Variants in PCDHGB4 observed in about 807,000 individuals in gnomAD.
PCDHGB4 encodes the protein protocadherin gamma-B4.
PCDHGB4 carries 38 observed loss-of-function variants against 60.5 expected under a neutral mutation model. That is an observed-to-expected ratio of 0.63 (90% confidence interval 0.48 to 0.82). The LOEUF is 0.82. Ranked by LOEUF, PCDHGB4 falls within the 40% of genes least tolerant of loss-of-function variation. The probability of loss-of-function intolerance (pLI) is 0.00; values close to 1 mark genes in which losing one functional copy is unlikely to be tolerated. For synonymous variants in PCDHGB4, 456 were observed against 509.7 expected, an observed-to-expected ratio of 0.89 and a Z score of 1.42; for missense variants, 1,109 against 1,209.6, an observed-to-expected ratio of 0.92 and a Z score of 1.23.
At chr5:141,445,213 A>C (rs775782586) in intron 1 of PCDHGB4, among the ~76,000 whole-genome samples, 1 of 152,226 alleles carries the variant, frequency 6.6e-6, no homozygotes, top group Non-Finnish European at 1.5e-5. Context: ...TTGAAAAGTA[A>C]GAGGTGCAAA....
intron 1 of PCDHGB4, chr5:141,417,959 C>A (rs759279387): frequency 5.0e-6 from 8 of 1,613,734 alleles, no homozygotes; most frequent in Non-Finnish European, 6.8e-6. Context: ...TGAGCCGATC[C>A]GCTACTCGAT....
chr5:141,485,152 A>T lies in PCDHGB4; in HGVS notation c.2398-9655A>T. 1.3e-6 allele frequency: 2 copies of T among 1,586,090 alleles called. No homozygotes were observed. Among genetic ancestry groups the T allele is most frequent in the Non-Finnish European group, 8.6e-7 (1 of 1,157,176 alleles). ...CTTCATCCGCGTCTCAGGAGCAAGT[A>T]GAGAATTAGCGGGCGGCAGCAATGC... On this transcript the variant is annotated intron_variant, in intron 1 of 3. Coordinates refer to ENST00000519479, the MANE Select transcript of PCDHGB4 (RefSeq NM_003736.4). This position sits in a 1 kb window ranked among gnomAD's most constrained non-coding sequence, Gnocchi z 5.7.
intron 1 of PCDHGB4, chr5:141,399,280 G>T (rs750453381): frequency 6.2e-7 from 1 of 1,613,836 alleles, no homozygotes; most frequent in Non-Finnish European, 8.5e-7. Flanking sequence ...ATTACAAGGC[G>T]AAGTCCCTTT....
rs2097423534 is a variant in PCDHGB4 at position 141,431,850 on chromosome 5, C to A, written c.2397+41569C>A. 6.2e-7 allele frequency: 1 copy of A among 1,614,234 alleles called. No individual in the cohort carries two copies. ...GTTCCCGAAAACTCTCCCAGAGGGA[C>A]ATTAATTGCCCTTTTAAATGTAAAT... On this transcript the variant is annotated intron_variant, in intron 1 of 3. Coordinates refer to ENST00000519479, the MANE Select transcript of PCDHGB4 (RefSeq NM_003736.4). This position sits in a 1 kb window ranked among gnomAD's most constrained non-coding sequence, Gnocchi z 4.8.
chr5:141,414,776 T>G (rs766689016), intron 1 of PCDHGB4: 14 of 1,614,212 alleles, frequency 8.7e-6, no homozygotes, highest in Non-Finnish European at 1.1e-5. Context: ...GAGCTACAGA[T>G]GCAGGTGACA....
At chr5:141,492,132 C>A (rs1289132641) in intron 1 of PCDHGB4, among the ~76,000 whole-genome samples, 3 of 152,220 alleles carry the variant, frequency 2.0e-5, no homozygotes, top group African/African-American at 4.8e-5. Context: ...CAGCTCCCAG[C>A]ATCTGTGACT....
intron 1 of PCDHGB4, among the ~76,000 whole-genome samples, chr5:141,433,534 C>T (rs2097618995): frequency 6.6e-6 from 1 of 152,088 alleles, no homozygotes; most frequent in Admixed American, 6.5e-5. Context: ...GTGCCCCGCC[C>T]TTATCAGATA....
In PCDHGB4 at chr5:141,431,544, T is replaced by C. The variant is rs1409551731; in HGVS notation, c.2397+41263T>C. 1.2e-6 allele frequency: 2 copies of C among 1,614,152 alleles called. No individual in the cohort carries two copies. The highest frequency in any genetic ancestry group is 2.2e-5 in the South Asian group (2 of 91,092). ...AATCTGGCCTTGGGCACGCAGCTGC[T>C]TGTAGTCAACGCTACCGACCCTGAC... On this transcript the variant is annotated intron_variant, in intron 1 of 3. Coordinates refer to ENST00000519479, the MANE Select transcript of PCDHGB4 (RefSeq NM_003736.4). The surrounding 1 kb of genome is among the most constrained non-coding windows in gnomAD (Gnocchi z 4.8).
At chr5:141,410,348 C>T (rs761119683) in intron 1 of PCDHGB4, 3 of 1,614,034 alleles carry the variant, frequency 1.9e-6, no homozygotes, top group East Asian at 2.2e-5. Context: ...CTTGCGCCTG[C>T]GACGCTCTCT....
chr5:141,421,265 T>G (rs2154549151), intron 1 of PCDHGB4: 1 of 1,596,914 alleles, frequency 6.3e-7, no homozygotes, highest in Non-Finnish European at 8.5e-7. Flanking sequence ...CGCAGTCGGC[T>G]GCTGCTGCTG....
At position 141,490,054 on chromosome 5, in the gene PCDHGB4, G is replaced by A. The variant is rs2099695440; in HGVS notation, c.2398-4753G>A. The A allele has an allele frequency of 6.2e-7, 1 of 1,614,104 alleles. No individual in the cohort carries two copies. The highest frequency in any genetic ancestry group is 1.3e-5 in the African/African-American group (1 of 74,944). ...CCTCAATGCCACTGATCCAGACGAG[G>A]GCACCAACGGCCAACTAGACTATTC... On this transcript the variant is annotated intron_variant, in intron 1 of 3. Transcript: ENST00000519479. This position sits in a 1 kb window ranked among gnomAD's most constrained non-coding sequence, Gnocchi z 5.4.
intron 1 of PCDHGB4, chr5:141,399,540 C>T (rs775910113): frequency 9.3e-6 from 15 of 1,614,052 alleles, no homozygotes; most frequent in Non-Finnish European, 1.3e-5. Context: ...CGCAAGTCTG[C>T]GCCTCGGACC....
chr5:141,421,307 T>C, intron 1 of PCDHGB4: 10 of 1,613,674 alleles, frequency 6.2e-6, no homozygotes, highest in Non-Finnish European at 8.5e-6. Context: ...CTGCGGGGGT[T>C]CCGGGCCAGG....
chr5:141,415,332 G>A (rs758125316), intron 1 of PCDHGB4: 1 of 1,614,214 alleles, frequency 6.2e-7, no homozygotes, highest in South Asian at 1.1e-5. Context: ...TGGCGCACAG[G>A]CTGCGGCGCT....
At chr5:141,467,747 C>T (rs56743829) in intron 1 of PCDHGB4, among the ~76,000 whole-genome samples, 7,097 of 152,110 alleles carry the variant, frequency 0.047, 213 homozygotes, top group Middle Eastern at 0.092. Context: ...CTGCAACCTC[C>T]GCCTCACATG....
intron 3 of PCDHGB4, among the ~76,000 whole-genome samples, chr5:141,506,564 G>A (rs984395438): frequency 5.3e-5 from 8 of 152,016 alleles, no homozygotes; most frequent in East Asian, 1.9e-4. Context: ...AAACCCCCTC[G>A]GTTTCACTTA....
At chr5:141,410,893 G>A (rs1302061377) in intron 1 of PCDHGB4, 5 of 276,602 alleles carry the variant, frequency 1.8e-5, no homozygotes, top group South Asian at 4.6e-5. Context: ...TCGCACTGTT[G>A]CCTAGGCTGG....
At chr5:141,423,248 C>A in intron 1 of PCDHGB4, 1 of 1,613,888 alleles carries the variant, frequency 6.2e-7, no homozygotes, top group Non-Finnish European at 8.5e-7. Context: ...GAAGTCCTGG[C>A]GGACCTCGGC....
rs1308930168 is a variant in PCDHGB4, at chr5:141,489,620, A to G, written c.2398-5187A>G. 2.5e-6 allele frequency: 4 copies of G among 1,614,058 alleles called. No individual in the cohort carries two copies. Among genetic ancestry groups the G allele is most frequent in the South Asian group, 2.2e-5 (2 of 91,072 alleles). The stretch of plus-strand genomic sequence containing the variant: ...GTAGAGGTAGAGATCCTGGATCTCA[A>G]TGACAACTCTCCTAGCTTTGCCACC... On this transcript the variant is annotated intron_variant, in intron 1 of 3. Transcript: ENST00000519479. This position sits in a 1 kb window ranked among gnomAD's most constrained non-coding sequence, Gnocchi z 4.5.
Sources: allele counts gnomAD v4.1 joint callset (sites outside exome capture counted in the v4.1 genomes callset), GRCh38; gene constraint gnomAD v4.1.1; non-coding constraint Gnocchi (gnomAD v3.1); transcripts MANE v1.5; gene names NCBI Gene and HGNC (gene_info 2026-07-23, HGNC 2026-07-21).